GALNTL6: variants seen among roughly 807,000 people sequenced by gnomAD.
The protein encoded by GALNTL6 is polypeptide N-acetylgalactosaminyltransferase like 6, also known as polypeptide N-acetylgalactosaminyltransferase-like 6.
Under a neutral mutation model 73.7 loss-of-function variants are expected in GALNTL6, and 46 were observed. The ratio of observed to expected loss-of-function variants is 0.62; its 90% CI spans 0.49 to 0.80. The LOEUF (loss-of-function observed/expected upper bound fraction) is 0.80. Ranked by LOEUF, GALNTL6 falls within the 30% of genes least tolerant of loss-of-function variation. The pLI, the probability that GALNTL6 is intolerant of heterozygous loss-of-function variation, is 0.00. For missense variants in GALNTL6, 604 were observed against 755.0 expected (o/e 0.80, Z 2.34); for synonymous variants, 259 against 263.7 (o/e 0.98, Z 0.17).
At chr4:172,430,232 C>CTAT (rs1215728184) in intron 5 of GALNTL6, among the ~76,000 whole-genome samples, 1 of 151,862 alleles carries the variant, frequency 6.6e-6, no homozygotes. Flanking sequence ...CTGACACAGA[C>CTAT]TATTCTAGGT....
At chr4:172,663,553 A>G (rs1030540983) in intron 5 of GALNTL6, among the ~76,000 whole-genome samples, 2 of 152,236 alleles carry the variant, frequency 1.3e-5, no homozygotes, top group Non-Finnish European at 2.9e-5. Context: ...GACATATCCT[A>G]GTCCCTGTAT....
At chr4:172,856,835 G>T (rs1744146830) in intron 7 of GALNTL6, among the ~76,000 whole-genome samples, 1 of 152,146 alleles carries the variant, frequency 6.6e-6, no homozygotes, top group African/African-American at 2.4e-5. Context: ...TGTGCCTCTG[G>T]TGCAGGCAAG....
At chr4:171,997,668 G>A (rs1415559409) in intron 2 of GALNTL6, among the ~76,000 whole-genome samples, 3 of 152,110 alleles carry the variant, frequency 2.0e-5, no homozygotes, top group Non-Finnish European at 4.4e-5. Context: ...GTAAGTCAGA[G>A]ACCATCTGTA....
intron 5 of GALNTL6, among the ~76,000 whole-genome samples, chr4:172,658,147 C>A (rs1369424476): frequency 5.4e-3 from 1 of 186 alleles, no homozygotes; most frequent in African/African-American, 7.6e-3. Flanking sequence ...GAGACTCCGT[C>A]TCAAAAAAAA....
chr4:172,613,171 A>T (rs1176275805), intron 5 of GALNTL6, among the ~76,000 whole-genome samples: 1 of 152,144 alleles, frequency 6.6e-6, no homozygotes. Context: ...AGACATATAG[A>T]TGCTGGGGGA....
intron 7 of GALNTL6, among the ~76,000 whole-genome samples, chr4:172,875,699 A>ATTG (rs747739367): frequency 6.7e-6 from 1 of 149,270 alleles, no homozygotes; most frequent in Non-Finnish European, 1.5e-5. Flanking sequence ...GGAACCCTCC[A>ATTG]TTGTTGTTAG....
At chr4:172,429,400 C>G (rs1379129483) in intron 5 of GALNTL6, among the ~76,000 whole-genome samples, 1 of 151,676 alleles carries the variant, frequency 6.6e-6, no homozygotes, top group Non-Finnish European at 1.5e-5. Context: ...TCAGTAGAGA[C>G]AGCATTTCAC....
At chr4:172,357,509 C>G (rs888981774) in intron 5 of GALNTL6, among the ~76,000 whole-genome samples, 9 of 151,962 alleles carry the variant, frequency 5.9e-5, no homozygotes, top group African/African-American at 1.9e-4. Flanking sequence ...GGGCAAATGT[C>G]CAGCATTGGA....
intron 2 of GALNTL6, among the ~76,000 whole-genome samples, chr4:172,210,193 A>T (rs555788635): frequency 1.6e-4 from 25 of 152,176 alleles, no homozygotes; most frequent in Middle Eastern, 3.4e-3. Context: ...TCAGTTTTAG[A>T]TTTAGAGAAA....
intron 5 of GALNTL6, among the ~76,000 whole-genome samples, chr4:172,718,581 T>C (rs1333141755): frequency 6.6e-6 from 1 of 151,840 alleles, no homozygotes; most frequent in Non-Finnish European, 1.5e-5. Context: ...GAGGCTACAA[T>C]AAGCCATGAT....
intron 5 of GALNTL6, among the ~76,000 whole-genome samples, chr4:172,609,759 T>C (rs1270029908): frequency 2.0e-5 from 3 of 151,762 alleles, no homozygotes; most frequent in African/African-American, 7.3e-5. Context: ...ATAATTTCAG[T>C]AGGAATTATA....
chr4:171,868,949 G>A (rs1350090292), intron 2 of GALNTL6, among the ~76,000 whole-genome samples: 1 of 152,140 alleles, frequency 6.6e-6, no homozygotes, highest in African/African-American at 2.4e-5. Context: ...CCAAAGTGCT[G>A]GGATTACAGG....
Position 172,967,590 on chromosome 4 carries a change from T to C in GALNTL6, c.1371+15332T>C, listed in dbSNP as rs1028458444. On this transcript the variant is annotated intron_variant, in intron 10 of 12. Transcript: ENST00000506823. The stretch of plus-strand genomic sequence containing the variant: ...TCTGCACTTTTGCCCAACTATATTA[T>C]GAAGTCCCAACTATAATATTAGGGG... Among the ~76,000 whole-genome samples, 4 of 152,202 alleles carry C rather than the reference T, an allele frequency of 2.6e-5. No individual in the cohort carries two copies. The South Asian group carries it at 8.3e-4, about 31-fold the overall frequency.
At chr4:172,104,030 G>A (rs1409938597) in intron 2 of GALNTL6, among the ~76,000 whole-genome samples, 2 of 150,090 alleles carry the variant, frequency 1.3e-5, no homozygotes, top group African/African-American at 2.5e-5. Context: ...TGCAAGCTCC[G>A]CCTCCTGGGT....
Position 172,987,674 on chromosome 4 carries a change from A to G in GALNTL6, c.1372-21504A>G, listed in dbSNP as rs546169739. 3.9e-5 allele frequency among the ~76,000 whole-genome samples: 6 copies of G among 152,324 alleles called. No individual in the cohort carries two copies. The South Asian group carries it at 1.2e-3, about 32-fold the overall frequency. ...AGGTCTGGTGGGAAGTGACTGGATC[A>G]TGGGGGCAGACTCTCCACTTGCTAT... is the stretch of plus-strand genomic sequence containing the variant. On this transcript the variant is annotated intron_variant, in intron 10 of 12. Transcript: ENST00000506823.
intron 2 of GALNTL6, among the ~76,000 whole-genome samples, chr4:171,902,316 T>A (rs1737122707): frequency 6.6e-6 from 1 of 152,176 alleles, no homozygotes; most frequent in South Asian, 2.1e-4. Context: ...GAAATGTTAA[T>A]ATTAGAAATT....
chr4:172,372,533 A>G (rs1742856183), intron 5 of GALNTL6, among the ~76,000 whole-genome samples: 1 of 152,184 alleles, frequency 6.6e-6, no homozygotes, highest in Non-Finnish European at 1.5e-5. Context: ...TTTTGCTACT[A>G]CATCAATTTC....
Position 172,503,526 on chromosome 4 carries a change from G to GTATA in GALNTL6, c.553+154857_553+154860dup, listed in dbSNP as rs3083398. 6.1e-3 allele frequency among the ~76,000 whole-genome samples: 528 copies of GTATA among 85,952 alleles called. 17 individuals are homozygous for GTATA. The highest frequency in any genetic ancestry group is 0.019 in the African/African-American group (446 of 24,104). The allele number at this position is 85,952 out of a possible 152,430, so 56.4% of individuals were successfully genotyped here. On this transcript the variant is annotated intron_variant, in intron 5 of 12. Coordinates refer to ENST00000506823, the MANE Select transcript of GALNTL6 (RefSeq NM_001034845.3). ...CTAGTTTGAACATGTACATAGAGTA[G>GTATA]TATATATATATATATATATATATGT...
chr4:172,083,054 G>A (rs1341798102), intron 2 of GALNTL6, among the ~76,000 whole-genome samples: 1 of 152,028 alleles, frequency 6.6e-6, no homozygotes, highest in South Asian at 2.1e-4. Context: ...CAAGTCCTCA[G>A]GACAAAAACT....
Sources: allele counts gnomAD v4.1 joint callset (sites outside exome capture counted in the v4.1 genomes callset), GRCh38; gene constraint gnomAD v4.1.1; transcripts MANE v1.5; gene names NCBI Gene and HGNC (gene_info 2026-07-23, HGNC 2026-07-21).